The following KLHL29 variants were observed in gnomAD, a reference collection of about 807,000 sequenced individuals.
KLHL29 encodes the protein kelch-like protein 29.
In KLHL29, 21 loss-of-function variants were observed where a neutral mutation model predicts 80.4. The observed-to-expected ratio is 0.26, with a 90% confidence interval of 0.19 to 0.38. The LOEUF is 0.38. KLHL29 is among the 10% of genes least tolerant of loss of function. The pLI, the probability that KLHL29 is intolerant of heterozygous loss-of-function variation, is 1.00. For synonymous variants in KLHL29, 511 were observed against 526.8 expected, an observed-to-expected ratio of 0.97 and a Z score of 0.41; for missense variants, 867 against 1,223.9, an observed-to-expected ratio of 0.71 and a Z score of 4.35.
At chr2:23,593,842 G>T (rs898530499) in intron 3 of KLHL29, among the ~76,000 whole-genome samples, 1 of 152,214 alleles carries the variant, frequency 6.6e-6, no homozygotes, top group African/African-American at 2.4e-5. Context: ...AGGTGGGAGG[G>T]CCAGGGCACC....
At chr2:23,612,978 G>A (rs1026763092) in intron 3 of KLHL29, among the ~76,000 whole-genome samples, 1 of 150,966 alleles carries the variant, frequency 6.6e-6, no homozygotes, top group Non-Finnish European at 1.5e-5. Context: ...TTAGAAATGG[G>A]GTGGAGAACA....
intron 5 of KLHL29, among the ~76,000 whole-genome samples, chr2:23,673,689 C>G (rs556885390): frequency 6.7e-5 from 10 of 149,406 alleles, no homozygotes; most frequent in Non-Finnish European, 1.3e-4. Flanking sequence ...CACACCCATG[C>G]CACATCCTCT....
chr2:23,582,453 G>C (rs1414952391), intron 3 of KLHL29, among the ~76,000 whole-genome samples: 7 of 152,212 alleles, frequency 4.6e-5, no homozygotes, highest in Admixed American at 4.6e-4. Flanking sequence ...ATGGTGAGAA[G>C]ATCCGGGGAC....
intron 2 of KLHL29, among the ~76,000 whole-genome samples, chr2:23,523,315 T>G (rs551212233): frequency 1.4e-4 from 22 of 152,210 alleles, no homozygotes; most frequent in Non-Finnish European, 2.5e-4. Flanking sequence ...CCTCTTATGA[T>G]CCTTCCTCTA....
intron 3 of KLHL29, among the ~76,000 whole-genome samples, chr2:23,581,652 C>G (rs941040008): frequency 4.6e-5 from 7 of 151,952 alleles, no homozygotes; most frequent in Admixed American, 1.3e-4. Context: ...ATGGTGAAAC[C>G]CCATCTCTAC....
At chr2:23,399,695 T>C (rs1666541519) in intron 1 of KLHL29, among the ~76,000 whole-genome samples, 1 of 152,192 alleles carries the variant, frequency 6.6e-6, no homozygotes, top group Non-Finnish European at 1.5e-5. Context: ...CTGTGTAACT[T>C]TCATCACCCC....
chr2:23,421,385 G>A (rs565075526), intron 1 of KLHL29, among the ~76,000 whole-genome samples: 1 of 152,334 alleles, frequency 6.6e-6, no homozygotes, highest in South Asian at 2.1e-4. Flanking sequence ...CAGAGCACAG[G>A]GAAGTGGAGG....
In KLHL29 at chr2:23,639,133, C is replaced by G; in HGVS notation, c.286-6C>G. 6.6e-7 allele frequency: 1 copy of G among 1,526,510 alleles called. No individual in the cohort carries two copies. The highest frequency in any genetic ancestry group is 2.5e-5 in the East Asian group (1 of 40,042). 94.6% of individuals were successfully genotyped at this position (1,526,510 alleles called of 1,614,324 possible). ...CTATGCTCACCTCCTCATCTGCTTC[C>G]CACAGGCTCCCGGCATCTCCAAAGG... is the stretch of plus-strand genomic sequence containing the variant. On this transcript the variant is annotated splice_region_variant and splice_polypyrimidine_tract_variant and intron_variant, in intron 3 of 13. Transcript: ENST00000486442.
At chr2:23,634,959 T>TTGCC (rs60490456) in intron 3 of KLHL29, among the ~76,000 whole-genome samples, 130,617 of 151,878 alleles carry the variant, frequency 0.86, 56,433 homozygotes, top group East Asian at 1. Flanking sequence ...TCATGGAGCT[T>TTGCC]TGCAAAGACA....
At chr2:23,444,591 G>A (rs1208230435) in intron 1 of KLHL29, among the ~76,000 whole-genome samples, 1 of 152,168 alleles carries the variant, frequency 6.6e-6, no homozygotes, top group African/African-American at 2.4e-5. Context: ...CTCCCAAAGT[G>A]CTGGGATTAC....
intron 2 of KLHL29, among the ~76,000 whole-genome samples, chr2:23,522,325 T>C (rs1240358274): frequency 6.6e-6 from 1 of 152,074 alleles, no homozygotes; most frequent in Admixed American, 6.5e-5. Context: ...AATTTTTGTA[T>C]TTTTAGTAGA....
Position 23,562,140 on chromosome 2 carries a change from C to T in KLHL29, c.-45-12C>T. 6.5e-7 allele frequency: 1 copy of T among 1,544,248 alleles called. No individual in the cohort carries two copies. Among genetic ancestry groups the T allele is most frequent in the Non-Finnish European group, 8.7e-7 (1 of 1,144,590 alleles). On this transcript the variant is annotated splice_polypyrimidine_tract_variant and intron_variant, in intron 2 of 13. Transcript: ENST00000486442. This position sits in a 1 kb window ranked among gnomAD's most constrained non-coding sequence, Gnocchi z 4.5. ...GTCCTAAATCACCCTTCTCTCCACCCTGTCACCACAGGTCCGGGCTCTGTT... is the reference window on the plus strand; with the variant it reads ...GTCCTAAATCACCCTTCTCTCCACCTTGTCACCACAGGTCCGGGCTCTGTT...
chr2:23,499,674 G>C (rs1665378098), intron 2 of KLHL29, among the ~76,000 whole-genome samples: 1 of 152,180 alleles, frequency 6.6e-6, no homozygotes, highest in African/African-American at 2.4e-5. Context: ...CACAGAGACA[G>C]CACTGTCGGC....
chr2:23,484,356 A>T (rs1442561637), intron 2 of KLHL29, among the ~76,000 whole-genome samples: 1 of 152,224 alleles, frequency 6.6e-6, no homozygotes, highest in Admixed American at 6.5e-5. Context: ...GCCACCCTTG[A>T]TGTGTTGCAA....
chr2:23,607,820 A>C (rs1572434769), intron 3 of KLHL29, among the ~76,000 whole-genome samples: 1 of 151,722 alleles, frequency 6.6e-6, no homozygotes, highest in South Asian at 2.1e-4. Context: ...ATCTCCCCAC[A>C]CCCCCAGCCC....
intron 2 of KLHL29, among the ~76,000 whole-genome samples, chr2:23,501,739 A>G (rs548020982): frequency 5.3e-5 from 8 of 152,168 alleles, no homozygotes; most frequent in Non-Finnish European, 8.8e-5. Context: ...ATTGTTTTTA[A>G]TGTAACTTCT....
At chr2:23,536,932 T>TCTCTCC (rs1666685279) in intron 2 of KLHL29, among the ~76,000 whole-genome samples, 1 of 148,872 alleles carries the variant, frequency 6.7e-6, no homozygotes, top group African/African-American at 2.5e-5. Flanking sequence ...TCTCTCTCCC[T>TCTCTCC]CTCTCGCTCT....
At chr2:23,692,239 C>G (rs1388315208) in intron 7 of KLHL29, among the ~76,000 whole-genome samples, 3 of 152,210 alleles carry the variant, frequency 2.0e-5, no homozygotes, top group Non-Finnish European at 4.4e-5. Context: ...CTGAACAAAG[C>G]AGCCCAAACT....
intron 3 of KLHL29, among the ~76,000 whole-genome samples, chr2:23,595,294 C>T (rs373257154): frequency 1.6e-3 from 249 of 152,278 alleles, no homozygotes; most frequent in South Asian, 2.3e-3. Context: ...AATCCTATCC[C>T]GTTTCTCCCA....
Sources: gnomAD v4.1 joint callset for allele counts (sites outside exome capture counted in the v4.1 genomes callset) on GRCh38, gnomAD v4.1.1 for gene constraint, Gnocchi (gnomAD v3.1) non-coding constraint, MANE v1.5 for transcripts, NCBI Gene and HGNC (gene_info 2026-07-23, HGNC 2026-07-21) for gene names.